GALNT13: variants seen among roughly 807,000 people sequenced by gnomAD.
The protein encoded by GALNT13 is polypeptide N-acetylgalactosaminyltransferase 13.
Under a neutral mutation model 64.2 loss-of-function variants are expected in GALNT13, and 28 were observed. The ratio of observed to expected loss-of-function variants is 0.44; its 90% CI spans 0.32 to 0.60. GALNT13 has a LOEUF of 0.60. Among genes scored for constraint, GALNT13 ranks in the 20% least tolerant of loss-of-function variants. The probability of loss-of-function intolerance (pLI) is 0.05; values close to 1 mark genes in which losing one functional copy is unlikely to be tolerated. For missense variants in GALNT13, 577 were observed against 669.8 expected, an observed-to-expected ratio of 0.86 and a Z score of 1.53; for synonymous variants, 214 against 224.6, an observed-to-expected ratio of 0.95 and a Z score of 0.42.
chr2:154,084,384 G>A (rs537149852), intron 3 of GALNT13, among the ~76,000 whole-genome samples: 7 of 151,656 alleles, frequency 4.6e-5, no homozygotes, highest in Admixed American at 1.3e-4. Context: ...GATATATCTC[G>A]AGTATGAAAG....
At chr2:153,317,910 T>A in the GALNT13 span, among the ~76,000 whole-genome samples, 1 of 152,158 alleles carries the variant, frequency 6.6e-6, no homozygotes, top group East Asian at 1.9e-4. Flanking sequence ...GCAGATTTTT[T>A]CTAGCATTCT....
At chr2:153,804,124 T>A in the GALNT13 span, among the ~76,000 whole-genome samples, 1 of 152,086 alleles carries the variant, frequency 6.6e-6, no homozygotes, top group African/African-American at 2.4e-5. Context: ...GAAATTAGGG[T>A]TAAAATAAAG....
At chr2:153,658,641 A>G in the GALNT13 span, among the ~76,000 whole-genome samples, 10 of 152,152 alleles carry the variant, frequency 6.6e-5, no homozygotes, top group African/African-American at 1.9e-4. Flanking sequence ...TATATATGAC[A>G]TCTTTATTAT....
the GALNT13 span, among the ~76,000 whole-genome samples, chr2:153,474,956 G>A: frequency 3.9e-5 from 6 of 152,186 alleles, no homozygotes; most frequent in Non-Finnish European, 8.8e-5. Flanking sequence ...CACAGACAAT[G>A]GCTTTCAAAA....
chr2:153,088,008 GT>G, the GALNT13 span, among the ~76,000 whole-genome samples: 1 of 151,822 alleles, frequency 6.6e-6, no homozygotes, highest in East Asian at 1.9e-4. Context: ...TTTCTGCTGG[GT>G]TTGGGTTTGG....
intron 1 of GALNT13, among the ~76,000 whole-genome samples, chr2:153,872,646 C>G (rs1327706831): frequency 7.0e-6 from 1 of 142,318 alleles, no homozygotes; most frequent in South Asian, 2.4e-4. Context: ...GCGGCTCTGG[C>G]CCCCTCTGCG....
intron 8 of GALNT13, chr2:154,287,309 G>T: frequency 3.1e-6 from 2 of 655,062 alleles, no homozygotes; most frequent in Non-Finnish European, 5.6e-6. Flanking sequence ...GGCGGGGACA[G>T]TCTGATTGAG....
the GALNT13 span, among the ~76,000 whole-genome samples, chr2:153,139,546 G>A: frequency 1.3e-5 from 2 of 152,002 alleles, no homozygotes; most frequent in Non-Finnish European, 2.9e-5. Flanking sequence ...AGAAGAGATG[G>A]CATCTGAGCA....
At chr2:154,099,647 C>T (rs956188483) in intron 3 of GALNT13, among the ~76,000 whole-genome samples, 3 of 151,980 alleles carry the variant, frequency 2.0e-5, no homozygotes, top group African/African-American at 7.2e-5. Context: ...AGCCAATTTT[C>T]CCAGCACCGG....
At chr2:153,511,820 G>T in the GALNT13 span, among the ~76,000 whole-genome samples, 1 of 152,168 alleles carries the variant, frequency 6.6e-6, no homozygotes, top group Non-Finnish European at 1.5e-5. Flanking sequence ...ACATTGGTAA[G>T]AGAAAATTAA....
At chr2:153,402,982 C>T in the GALNT13 span, among the ~76,000 whole-genome samples, 2 of 152,008 alleles carry the variant, frequency 1.3e-5, no homozygotes, top group African/African-American at 4.8e-5. Flanking sequence ...GAACTGCGTT[C>T]CTTTGGAGGA....
intron 3 of GALNT13, among the ~76,000 whole-genome samples, chr2:154,073,843 T>C (rs912218741): frequency 8.6e-5 from 13 of 151,964 alleles, no homozygotes; most frequent in Non-Finnish European, 1.3e-4. Flanking sequence ...TAACGGAATA[T>C]ATGTGTGAAA....
At chr2:153,760,214 C>G in the GALNT13 span, among the ~76,000 whole-genome samples, 3 of 151,704 alleles carry the variant, frequency 2.0e-5, no homozygotes, top group Non-Finnish European at 4.4e-5. Flanking sequence ...CTATGTTTAT[C>G]TTCTCAAAAA....
chr2:153,895,400 T>A (rs1358684298), intron 1 of GALNT13, among the ~76,000 whole-genome samples: 1 of 152,184 alleles, frequency 6.6e-6, no homozygotes, highest in Non-Finnish European at 1.5e-5. Flanking sequence ...ACAAAATGAA[T>A]AATTATTTTA....
At chr2:153,092,108 T>C in the GALNT13 span, among the ~76,000 whole-genome samples, 3 of 152,298 alleles carry the variant, frequency 2.0e-5, no homozygotes, top group South Asian at 2.1e-4. Flanking sequence ...CTGTCTTTTT[T>C]GCAGTGTATG....
the GALNT13 span, among the ~76,000 whole-genome samples, chr2:153,756,885 G>A: frequency 1.3e-5 from 2 of 151,344 alleles, no homozygotes; most frequent in African/African-American, 4.9e-5. Context: ...AGGTGTTTTT[G>A]TTTGTTTGTT....
At chr2:153,605,157 T>C in the GALNT13 span, among the ~76,000 whole-genome samples, 7 of 152,098 alleles carry the variant, frequency 4.6e-5, no homozygotes, top group Non-Finnish European at 7.4e-5. Flanking sequence ...ATTTCCCTTC[T>C]TTCTGAAAAT....
At chr2:153,486,094 C>T in the GALNT13 span, among the ~76,000 whole-genome samples, 2 of 152,066 alleles carry the variant, frequency 1.3e-5, no homozygotes, top group Non-Finnish European at 2.9e-5. Flanking sequence ...TGTGCCACCA[C>T]ACCTGGCTAA....
At position 154,207,264 on chromosome 2, in the gene GALNT13, A is replaced by G. The variant is rs74770657; in HGVS notation, c.312-34766A>G. Among the ~76,000 whole-genome samples, 1,037 of 152,050 alleles carry G rather than the reference A, an allele frequency of 6.8e-3. 9 individuals are homozygous for G. The highest frequency in any genetic ancestry group is 0.024 in the African/African-American group (994 of 41,460). On this transcript the variant is annotated intron_variant, in intron 4 of 12. Coordinates refer to ENST00000392825, the MANE Select transcript of GALNT13 (RefSeq NM_052917.4). ...CCTCCTGCTACATGTTCTAACACCAATCTTGTCTTCCTCATTCTCATCTCC... is the reference window on the plus strand; with the variant it reads ...CCTCCTGCTACATGTTCTAACACCAGTCTTGTCTTCCTCATTCTCATCTCC...
Sources: allele counts gnomAD v4.1 joint callset (sites outside exome capture counted in the v4.1 genomes callset), GRCh38; gene constraint gnomAD v4.1.1; transcripts MANE v1.5; gene names NCBI Gene and HGNC (gene_info 2026-07-23, HGNC 2026-07-21).